MYG1: variants seen among roughly 807,000 people sequenced by gnomAD.
MYG1 encodes the protein UPF0160 protein MYG1, mitochondrial.
A neutral mutation model predicts 43.5 loss-of-function variants in MYG1; 36 were observed. The observed-to-expected ratio is 0.83, with a 90% CI of 0.63 to 1.09. The LOEUF (loss-of-function observed/expected upper bound fraction) is 1.09, where lower values mean the gene tolerates loss of function less well. Among genes scored for constraint, MYG1 ranks in the 50% least tolerant of loss-of-function variants. The probability of loss-of-function intolerance (pLI) is 0.00; values close to 1 mark genes in which losing one functional copy is unlikely to be tolerated. For synonymous variants in MYG1, 220 were observed against 202.8 expected (o/e 1.08, Z -0.72); for missense variants, 529 against 495.1 (o/e 1.07, Z -0.65).
In MYG1 at chr12:53,299,904, G is replaced by C. The variant is rs777161707; in HGVS notation, c.167G>C (p.Cys56Ser). The change falls in exon 1 of 7, where the codon TGC becomes TCC. Residue 56 changes from cysteine to serine, a missense_variant. Transcript: ENST00000267103. ...RIGTHNGTFH[C>S]DEALACALLR... Reference sequence around the variant, plus strand: ...GGGACGCACAATGGCACCTTCCACTGCGACGAGGCACTGGCATGCGCACTG... The same window carrying C: ...GGGACGCACAATGGCACCTTCCACTCCGACGAGGCACTGGCATGCGCACTG... 6.2e-7 allele frequency: 1 copy of C among 1,614,182 alleles called. No homozygotes were observed. Among genetic ancestry groups the C allele is most frequent in the Admixed American group, 1.7e-5 (1 of 60,030 alleles).
chr12:53,301,728 A>T (rs1471454777), intron 2 of MYG1, among the ~76,000 whole-genome samples: 2 of 152,108 alleles, frequency 1.3e-5, no homozygotes, highest in East Asian at 3.9e-4. Context: ...CTCGTCTGTC[A>T]CCCAGGCTGG....
chr12:53,302,222 T>G (rs1944237788), intron 2 of MYG1, among the ~76,000 whole-genome samples: 1 of 152,000 alleles, frequency 6.6e-6, no homozygotes, highest in South Asian at 2.1e-4. Context: ...CCTCAAGTGA[T>G]CACGCCTTGG....
At chr12:53,304,518 C>T (rs1944255447) in intron 3 of MYG1, among the ~76,000 whole-genome samples, 1 of 152,032 alleles carries the variant, frequency 6.6e-6, no homozygotes, top group Admixed American at 6.5e-5. Flanking sequence ...CTCCTGACCT[C>T]AAGTAACGCA....
In MYG1 at chr12:53,299,973, A is replaced by C. The variant is rs769753014; in HGVS notation, c.216+20A>C. 2.5e-5 allele frequency: 41 copies of C among 1,613,500 alleles called. No individual in the cohort carries two copies. Among genetic ancestry groups the C allele is most frequent in the Non-Finnish European group, 3.4e-5 (40 of 1,179,598 alleles). ...TACCGGGTACGGTCCGCGAAAAGTG[A>C]CCCTGGGACTGCGTGCATGCATGCC... is the stretch of plus-strand genomic sequence containing the variant. On this transcript the variant is annotated intron_variant, in intron 1 of 6. Coordinates refer to ENST00000267103, the MANE Select transcript of MYG1 (RefSeq NM_021640.4).
rs188490055 is a variant in MYG1 at position 53,300,762 on chromosome 12, C to T, written c.329+500C>T. ...TACCGCATCAAACTGAGTGTCCCTG[C>T]CTCTTTTCAAAAGAAGTTGAGCATT... On this transcript the variant is annotated intron_variant, in intron 2 of 6. Coordinates refer to ENST00000267103, the MANE Select transcript of MYG1 (RefSeq NM_021640.4). Among the ~76,000 whole-genome samples the T allele has an allele frequency of 2.2e-3, 340 of 152,262 alleles. 3 individuals carry two copies. Among genetic ancestry groups the T allele is most frequent in the Non-Finnish European group, 3.6e-3 (242 of 68,014 alleles).
At position 53,306,825 on chromosome 12, in the gene MYG1, AGTGT is replaced by A. The variant is rs1565775055; in HGVS notation, c.915_918del (p.Val306ProfsTer53). 1.2e-6 allele frequency: 2 copies of A among 1,614,078 alleles called. No individual in the cohort carries two copies. Among genetic ancestry groups the A allele is most frequent in the Non-Finnish European group, 1.7e-6 (2 of 1,179,942 alleles). On this transcript the variant is annotated frameshift_variant, in exon 6 of 7. Transcript: ENST00000267103. LOFTEE classifies it high-confidence loss of function. ...GACCAGGCTGGACAGTGGCGAATAC[AGTGT>A]GTGCCCAAGGAGCCCCACTCATTCC...
intron 3 of MYG1, 113 bp from the exon 4 acceptor site, chr12:53,305,795 G>A (rs967628271): frequency 7.3e-7 from 1 of 1,364,328 alleles, no homozygotes; most frequent in Non-Finnish European, 9.8e-7. Context: ...TCCAGTTAAT[G>A]TTGAGAGATC....
intron 2 of MYG1, among the ~76,000 whole-genome samples, chr12:53,302,477 C>T (rs1944239511): frequency 6.6e-6 from 1 of 152,176 alleles, no homozygotes; most frequent in African/African-American, 2.4e-5. Context: ...CAGGTAATCT[C>T]CTTGCATCTG....
intron 4 of MYG1, 35 bp downstream of exon 4, chr12:53,306,095 A>G: frequency 6.2e-7 from 1 of 1,609,362 alleles, no homozygotes; most frequent in Non-Finnish European, 8.5e-7. Context: ...GGAGACCTGT[A>G]AGAACCTTGG....
intron 3 of MYG1, among the ~76,000 whole-genome samples, chr12:53,305,250 A>G (rs1322644328): frequency 6.6e-6 from 1 of 152,150 alleles, no homozygotes; most frequent in Admixed American, 6.5e-5. Context: ...CAGTGCTCTG[A>G]GAGTAGCACT....
intron 2 of MYG1, 112 bp from the exon 3 acceptor site, chr12:53,302,922 T>C (rs947183278): frequency 4.8e-6 from 6 of 1,251,554 alleles, no homozygotes; most frequent in Non-Finnish European, 6.6e-6. Context: ...CCTTAATGTC[T>C]AATAAAACAT....
At position 53,300,136 on chromosome 12, in the gene MYG1, T is replaced by A; in HGVS notation, c.217-14T>A. On this transcript the variant is annotated splice_polypyrimidine_tract_variant and intron_variant, in intron 1 of 6. Transcript: ENST00000267103. ...CGACACCCGGCAGCCCCTTCACCCC[T>A]GTGTACCTCGCAGGATGCAGAGATT... 6.3e-7 allele frequency: 1 copy of A among 1,587,032 alleles called. No individual in the cohort carries two copies.
In MYG1 at chr12:53,303,042, CAG is replaced by C; in HGVS notation, c.342_343del (p.Glu114AspfsTer37). ...CTCCCTATGCTCCTCAGGTCTTTCA[CAG>C]AGACCATGAGCTCCCTGTCCCCTGG... On this transcript the variant is annotated frameshift_variant, in exon 3 of 7. Transcript: ENST00000267103. LOFTEE classifies it high-confidence loss of function. The C allele has an allele frequency of 6.2e-7, 1 of 1,610,998 alleles. No homozygotes were observed. Among genetic ancestry groups the C allele is most frequent in the Non-Finnish European group, 8.5e-7 (1 of 1,177,988 alleles).
rs145293089 is a variant in MYG1 at position 53,303,076 on chromosome 12, G to A, written c.372G>A (p.Pro124=). Reference sequence around the variant, plus strand: ...TGAGCTCCCTGTCCCCTGGGAAGCCGTGGCAGACCAAGCTGAGCAGTGCGG... The same window carrying A: ...TGAGCTCCCTGTCCCCTGGGAAGCCATGGCAGACCAAGCTGAGCAGTGCGG... ...ETMSSLSPGK[P]WQTKLSSAGL... Residue 124 remains proline (P), a synonymous_variant, in exon 3 of 7, where the codon CCG becomes CCA. Transcript: ENST00000267103. 1,311 of 1,613,784 alleles carry A rather than the reference G, an allele frequency of 8.1e-4. No homozygotes were observed. Among genetic ancestry groups the A allele is most frequent in the Admixed American group, 8.7e-4 (52 of 59,974 alleles).
chr12:53,300,258 C>CAGAG lies in MYG1; in HGVS notation c.326_329dup (p.Ser111GlufsTer42). On this transcript the variant is annotated frameshift_variant, in exon 2 of 7. Coordinates refer to ENST00000267103, the MANE Select transcript of MYG1 (RefSeq NM_021640.4). LOFTEE classifies it high-confidence loss of function. Reference sequence around the variant, plus strand: ...TCGGAGACACCGATATGACCATCACCAGAGGTAGGTTCTCAGATACCATTT... The same window carrying CAGAG: ...TCGGAGACACCGATATGACCATCACCAGAGAGAGGTAGGTTCTCAGATACCATTT... 6.4e-7 allele frequency: 1 copy of CAGAG among 1,564,670 alleles called. No homozygotes were observed. Among genetic ancestry groups the CAGAG allele is most frequent in the Non-Finnish European group, 8.7e-7 (1 of 1,154,154 alleles).
At chr12:53,304,793 T>C (rs1255058962) in intron 3 of MYG1, among the ~76,000 whole-genome samples, 1 of 65,292 alleles carries the variant, frequency 1.5e-5, no homozygotes, top group Non-Finnish European at 3.4e-5. Flanking sequence ...AGGGTCTTGC[T>C]ATGCTGCCCA....
chr12:53,302,955 T>C (rs1592507158), intron 2 of MYG1, 79 bp from the exon 3 acceptor site: 4 of 1,390,634 alleles, frequency 2.9e-6, no homozygotes, highest in Non-Finnish European at 3.9e-6. Flanking sequence ...ATAGGAAGCA[T>C]TGAGTTAACC....
chr12:53,301,660 C>A (rs563516132), intron 2 of MYG1, among the ~76,000 whole-genome samples: 1 of 152,304 alleles, frequency 6.6e-6, no homozygotes, highest in East Asian at 1.9e-4. Flanking sequence ...CAACTGATCT[C>A]TTTAGCACTT....
At chr12:53,301,892 G>A (rs979560338) in intron 2 of MYG1, among the ~76,000 whole-genome samples, 1 of 152,110 alleles carries the variant, frequency 6.6e-6, no homozygotes, top group Non-Finnish European at 1.5e-5. Flanking sequence ...GGCCAGTCTG[G>A]TCTTGAACTC....
Sources: gnomAD v4.1 joint callset for allele counts (sites outside exome capture counted in the v4.1 genomes callset) on GRCh38, gnomAD v4.1.1 for gene constraint, MANE v1.5 for transcripts, NCBI Gene and HGNC (gene_info 2026-07-23, HGNC 2026-07-21) for gene names.